Variants in DLG2 observed in about 807,000 individuals in gnomAD.
DLG2 encodes discs large MAGUK scaffold protein 2.
A neutral mutation model predicts 132.5 loss-of-function variants in DLG2; 45 were observed. The observed-to-expected ratio is 0.34, with a 90% CI of 0.27 to 0.44. The LOEUF is 0.44. Among genes scored for constraint, DLG2 ranks in the 20% least tolerant of loss-of-function variants. The pLI is 1.00. For synonymous variants in DLG2, 424 were observed against 419.6 expected (o/e 1.01, Z -0.13); for missense variants, 1,045 against 1,196.9 (o/e 0.87, Z 1.87).
intron 3 of DLG2, among the ~76,000 whole-genome samples, chr11:85,519,970 T>C (rs1369828621): frequency 4.6e-5 from 7 of 152,114 alleles, no homozygotes; most frequent in Non-Finnish European, 1.5e-5. Context: ...ATAAACCCCA[T>C]TCTTTTGTAA....
chr11:83,939,141 A>G (rs2082113523), intron 14 of DLG2, among the ~76,000 whole-genome samples: 2 of 152,106 alleles, frequency 1.3e-5, no homozygotes, highest in South Asian at 2.1e-4. Flanking sequence ...CTAACTGAGT[A>G]TTTGTTGGAC....
At chr11:84,614,077 C>T (rs184130283) in intron 6 of DLG2, among the ~76,000 whole-genome samples, 1 of 152,286 alleles carries the variant, frequency 6.6e-6, no homozygotes, top group African/African-American at 2.4e-5. Flanking sequence ...AGATAACTAG[C>T]ACTGTGTATT....
intron 7 of DLG2, among the ~76,000 whole-genome samples, chr11:84,397,631 T>G (rs1464516935): frequency 1.3e-5 from 2 of 152,248 alleles, no homozygotes; most frequent in Non-Finnish European, 2.9e-5. Flanking sequence ...TCTGCATGAC[T>G]ATGTGGTCAA....
intron 17 of DLG2, among the ~76,000 whole-genome samples, chr11:83,787,314 T>A (rs113086645): frequency 0.013 from 1,115 of 88,688 alleles, 29 homozygotes; most frequent in African/African-American, 0.064. Flanking sequence ...TAAGCCTTGT[T>A]TTTTTTTTGT....
intron 14 of DLG2, among the ~76,000 whole-genome samples, chr11:83,935,589 C>A (rs188646881): frequency 6.6e-6 from 1 of 152,078 alleles, no homozygotes; most frequent in Admixed American, 6.5e-5. Flanking sequence ...TTGTAAGAAC[C>A]TATTCGCTCC....
intron 6 of DLG2, among the ~76,000 whole-genome samples, chr11:84,902,294 C>T (rs57346011): frequency 1.8e-4 from 28 of 152,218 alleles, no homozygotes; most frequent in African/African-American, 6.3e-4. Flanking sequence ...TTTAGTCTTA[C>T]AAAGGCTTCT....
At chr11:84,693,423 C>A (rs964888449) in intron 6 of DLG2, among the ~76,000 whole-genome samples, 1 of 151,704 alleles carries the variant, frequency 6.6e-6, no homozygotes, top group Admixed American at 6.6e-5. Context: ...AAAACTTGAG[C>A]CCTTGTGGCT....
At position 84,695,365 on chromosome 11, in the gene DLG2, C is replaced by T. The variant is rs558114346; in HGVS notation, c.358-160634G>A. 4.6e-5 allele frequency among the ~76,000 whole-genome samples: 7 copies of T among 151,674 alleles called. No individual in the cohort carries two copies. The South Asian group carries it at 1.5e-3, about 31-fold the overall frequency. ...TTTGTGTGGCTTATGTAACAGCAAACACAACATTGGAAGCACCTCTGAATC... is the reference window on the plus strand; with the variant it reads ...TTTGTGTGGCTTATGTAACAGCAAATACAACATTGGAAGCACCTCTGAATC... On this transcript the variant is annotated intron_variant, in intron 6 of 27. Coordinates refer to ENST00000376104, the MANE Select transcript of DLG2 (RefSeq NM_001142699.3).
chr11:84,420,247 G>A (rs549452960), intron 7 of DLG2, among the ~76,000 whole-genome samples: 43 of 152,252 alleles, frequency 2.8e-4, no homozygotes, highest in African/African-American at 8.7e-4. Context: ...AGCTGAAAAC[G>A]GAGGAAATAT....
At chr11:84,783,540 C>T (rs2072221404) in intron 6 of DLG2, among the ~76,000 whole-genome samples, 1 of 152,190 alleles carries the variant, frequency 6.6e-6, no homozygotes, top group African/African-American at 2.4e-5. Flanking sequence ...AGAATCATTT[C>T]CTTCTCTGCG....
chr11:85,097,040 A>G (rs1459015192), intron 6 of DLG2, among the ~76,000 whole-genome samples: 1 of 152,142 alleles, frequency 6.6e-6, no homozygotes, highest in Non-Finnish European at 1.5e-5. Context: ...TCTAAAAGTC[A>G]TGTGGCCCAA....
rs1204996555 is a variant in DLG2, at chr11:84,877,527, T to TC, written c.357+234133_357+234134insG. Among the ~76,000 whole-genome samples, 20 of 144,730 alleles carry TC rather than the reference T, an allele frequency of 1.4e-4. 1 individual carries two copies. The South Asian group carries it at 4.5e-3, about 32-fold the overall frequency. The allele number at this position is 144,730 out of a possible 152,430, so 94.9% of individuals were successfully genotyped here. On this transcript the variant is annotated intron_variant, in intron 6 of 27. Transcript: ENST00000376104. ...GCAACCCCTGCTTTTTTTTTTTTTTTTTTTTTTGCTTTCCATTTGCTTGGC... is the reference window on the plus strand; with the variant it reads ...GCAACCCCTGCTTTTTTTTTTTTTTTCTTTTTTTGCTTTCCATTTGCTTGGC...
chr11:83,568,894 C>T (rs932699589), intron 19 of DLG2, among the ~76,000 whole-genome samples: 7 of 151,800 alleles, frequency 4.6e-5, no homozygotes, highest in African/African-American at 9.7e-5. Flanking sequence ...CACAGTGCTG[C>T]GCTATCAGAG....
At chr11:85,308,485 A>G (rs1348324717) in intron 3 of DLG2, among the ~76,000 whole-genome samples, 1 of 152,008 alleles carries the variant, frequency 6.6e-6, no homozygotes, top group Non-Finnish European at 1.5e-5. Flanking sequence ...AGGTCAGGGT[A>G]TTTTTTTGCC....
chr11:85,548,319 T>C (rs796237552), intron 3 of DLG2, among the ~76,000 whole-genome samples: 8 of 152,220 alleles, frequency 5.3e-5, no homozygotes, highest in Non-Finnish European at 7.4e-5. Flanking sequence ...CTGGTGGAGG[T>C]TGCAGAACAG....
At chr11:84,496,394 C>A (rs1020544832) in intron 7 of DLG2, among the ~76,000 whole-genome samples, 1 of 152,094 alleles carries the variant, frequency 6.6e-6, no homozygotes, top group Non-Finnish European at 1.5e-5. Context: ...CCAACCACTG[C>A]TACTGGTTGT....
intron 3 of DLG2, among the ~76,000 whole-genome samples, chr11:85,404,682 T>C (rs2088544036): frequency 1.3e-5 from 2 of 151,972 alleles, no homozygotes; most frequent in Admixed American, 1.3e-4. Context: ...CAAAAAACAG[T>C]ATCAGCACTG....
chr11:83,872,929 T>C (rs1021281306), intron 16 of DLG2, among the ~76,000 whole-genome samples: 1 of 152,190 alleles, frequency 6.6e-6, no homozygotes, highest in African/African-American at 2.4e-5. Flanking sequence ...AGTATGCACA[T>C]GGACCTCTAG....
At chr11:85,138,558 G>A (rs767375826) in intron 5 of DLG2, among the ~76,000 whole-genome samples, 2 of 152,086 alleles carry the variant, frequency 1.3e-5, no homozygotes, top group Non-Finnish European at 2.9e-5. Flanking sequence ...TGGTTTGGTT[G>A]TGTCCCCACC....
Sources: allele counts gnomAD v4.1 joint callset (sites outside exome capture counted in the v4.1 genomes callset), GRCh38; gene constraint gnomAD v4.1.1; transcripts MANE v1.5; gene names NCBI Gene and HGNC (gene_info 2026-07-23, HGNC 2026-07-21).